The following GPC6 variants were observed in gnomAD, a reference collection of about 807,000 sequenced individuals.
GPC6 encodes glypican-6.
A neutral mutation model predicts 55.2 loss-of-function variants in GPC6; 14 were observed. That is an observed-to-expected ratio of 0.25 (90% CI 0.17 to 0.40). The LOEUF (loss-of-function observed/expected upper bound fraction) is 0.40, where lower values mean the gene tolerates loss of function less well. Ranked by LOEUF, GPC6 falls within the 10% of genes least tolerant of loss-of-function variation. GPC6 has a pLI of 1.00. For missense variants in GPC6, 641 were observed against 708.5 expected (o/e 0.90, Z 1.08); for synonymous variants, 278 against 259.6 (o/e 1.07, Z -0.68).
At chr13:93,787,926 A>G (rs1324324026) in intron 2 of GPC6, among the ~76,000 whole-genome samples, 1 of 152,204 alleles carries the variant, frequency 6.6e-6, no homozygotes, top group Non-Finnish European at 1.5e-5. Context: ...TAATTTTGAG[A>G]CATTCATTGC....
At chr13:94,134,691 C>T (rs1219148657) in intron 4 of GPC6, among the ~76,000 whole-genome samples, 1 of 152,064 alleles carries the variant, frequency 6.6e-6, no homozygotes, top group East Asian at 1.9e-4. Context: ...ATCATCTTAG[C>T]AGAGACCTAA....
rs201469561 is a variant in GPC6, at chr13:93,354,514, CTAT to C, written c.160+126903_160+126905del. 7.6e-3 allele frequency among the ~76,000 whole-genome samples: 902 copies of C among 118,896 alleles called. 29 individuals carry two copies. Among genetic ancestry groups the C allele is most frequent in the African/African-American group, 0.031 (828 of 26,810 alleles). The allele number at this position is 118,896 out of a possible 152,430, so 78.0% of individuals were successfully genotyped here. A position where few individuals can be genotyped will look rare whatever the true frequency, so the allele number is the denominator to read the frequency against. On this transcript the variant is annotated intron_variant, in intron 1 of 8. Coordinates refer to ENST00000377047, the MANE Select transcript of GPC6 (RefSeq NM_005708.5). ...TACAGGTGCCCGCTACCACACTCGG[CTAT>C]TATTTTTTTTTTTTTTTTTTGGATT...
At chr13:94,145,147 G>GGATGGATA (rs1466712585) in intron 4 of GPC6, among the ~76,000 whole-genome samples, 1 of 123,076 alleles carries the variant, frequency 8.1e-6, no homozygotes, top group Non-Finnish European at 1.9e-5. Context: ...GTGGATGGAT[G>GGATGGATA]GATGGATGGA....
intron 4 of GPC6, among the ~76,000 whole-genome samples, chr13:94,157,144 A>T (rs1435050557): frequency 1.3e-5 from 2 of 152,102 alleles, no homozygotes; most frequent in Non-Finnish European, 2.9e-5. Context: ...CCCTCTTTAG[A>T]TGTATGGCTT....
chr13:93,319,692 C>T (rs1192146549), intron 1 of GPC6, among the ~76,000 whole-genome samples: 1 of 152,050 alleles, frequency 6.6e-6, no homozygotes, highest in Non-Finnish European at 1.5e-5. Context: ...AATTAAGTCC[C>T]AGGACGGAAG....
chr13:93,931,588 A>AC (rs1878178834), intron 3 of GPC6, among the ~76,000 whole-genome samples: 1 of 151,916 alleles, frequency 6.6e-6, no homozygotes, highest in Non-Finnish European at 1.5e-5. Flanking sequence ...ACATGGCGAA[A>AC]CCCCGTCTCT....
At chr13:94,323,418 A>G (rs1876944114) in intron 6 of GPC6, among the ~76,000 whole-genome samples, 1 of 152,180 alleles carries the variant, frequency 6.6e-6, no homozygotes, top group African/African-American at 2.4e-5. Context: ...TATTCTTAAC[A>G]CCAGTGATAA....
At chr13:93,614,183 T>C (rs1408543956) in intron 2 of GPC6, among the ~76,000 whole-genome samples, 1 of 152,214 alleles carries the variant, frequency 6.6e-6, no homozygotes, top group African/African-American at 2.4e-5. Flanking sequence ...ATAAATGTTA[T>C]TTTTCTAGAT....
At chr13:94,124,967 C>G (rs1886755549) in intron 4 of GPC6, among the ~76,000 whole-genome samples, 1 of 152,024 alleles carries the variant, frequency 6.6e-6, no homozygotes, top group African/African-American at 2.4e-5. Context: ...AACAAGCAAG[C>G]AAACAAATAA....
chr13:94,052,764 A>G (rs919548484), intron 4 of GPC6, among the ~76,000 whole-genome samples: 9 of 152,220 alleles, frequency 5.9e-5, no homozygotes, highest in African/African-American at 1.9e-4. Context: ...GCAATTAATT[A>G]TGTGTCCCTT....
chr13:93,558,242 GTAA>G (rs1875582857), intron 2 of GPC6, among the ~76,000 whole-genome samples: 1 of 152,196 alleles, frequency 6.6e-6, no homozygotes, highest in African/African-American at 2.4e-5. Context: ...GAGTGCGCTT[GTAA>G]TATATGAGGG....
chr13:93,490,577 G>T (rs1342423948), intron 1 of GPC6, among the ~76,000 whole-genome samples: 1 of 119,336 alleles, frequency 8.4e-6, no homozygotes, highest in East Asian at 3.8e-4. Flanking sequence ...GTGCAGGTTA[G>T]TTACATATGT....
intron 4 of GPC6, among the ~76,000 whole-genome samples, chr13:94,272,501 C>T (rs1480477001): frequency 1.7e-5 from 2 of 118,454 alleles, no homozygotes; most frequent in African/African-American, 6.9e-5. Context: ...CAGAGTCTCA[C>T]TCTGTTGCCC....
At chr13:94,068,390 A>C (rs1465984202) in intron 4 of GPC6, among the ~76,000 whole-genome samples, 1 of 152,182 alleles carries the variant, frequency 6.6e-6, no homozygotes, top group Admixed American at 6.5e-5. Flanking sequence ...GGGAGTTAAA[A>C]TTCAAGATGA....
chr13:94,005,948 T>C (rs1882001780), intron 3 of GPC6, among the ~76,000 whole-genome samples: 2 of 152,230 alleles, frequency 1.3e-5, no homozygotes, highest in Admixed American at 1.3e-4. Flanking sequence ...CTTATTGTAC[T>C]GAGTACTTTG....
intron 2 of GPC6, among the ~76,000 whole-genome samples, chr13:93,770,981 A>G (rs1462655217): frequency 2.0e-5 from 3 of 152,038 alleles, no homozygotes; most frequent in Non-Finnish European, 2.9e-5. Context: ...TGTGCTTTGT[A>G]ACATCATCCA....
intron 4 of GPC6, among the ~76,000 whole-genome samples, chr13:94,119,390 G>A (rs918270616): frequency 3.3e-5 from 5 of 151,986 alleles, no homozygotes; most frequent in Admixed American, 6.6e-5. Flanking sequence ...TTTAAATGGC[G>A]TGGTCAGGGA....
intron 5 of GPC6, 32 bp downstream of exon 5, chr13:94,286,511 A>G (rs1478424097): frequency 3.1e-6 from 5 of 1,587,842 alleles, no homozygotes; most frequent in Admixed American, 1.7e-5. Flanking sequence ...CTGCCAATAC[A>G]TGTATGTTAT....
At chr13:93,773,154 C>G (rs979123639) in intron 2 of GPC6, among the ~76,000 whole-genome samples, 1 of 152,012 alleles carries the variant, frequency 6.6e-6, no homozygotes, top group Non-Finnish European at 1.5e-5. Flanking sequence ...AAAGAAAAAG[C>G]AAAATGCCAC....
Sources: allele counts gnomAD v4.1 joint callset (sites outside exome capture counted in the v4.1 genomes callset), GRCh38; gene constraint gnomAD v4.1.1; transcripts MANE v1.5; gene names NCBI Gene and HGNC (gene_info 2026-07-23, HGNC 2026-07-21).